HR: variants seen among roughly 807,000 people sequenced by gnomAD.
HR encodes the protein HR lysine demethylase and nuclear receptor corepressor, also known as lysine-specific demethylase hairless.
HR carries 83 observed loss-of-function variants against 128.6 expected under a neutral mutation model. The ratio of observed to expected loss-of-function variants is 0.65; its 90% CI spans 0.54 to 0.77. HR has a LOEUF of 0.77. Among genes scored for constraint, HR ranks in the 30% least tolerant of loss-of-function variants. HR has a pLI of 0.00. For synonymous variants in HR, 681 were observed against 658.2 expected, an observed-to-expected ratio of 1.03 and a Z score of -0.53; for missense variants, 1,490 against 1,574.6, an observed-to-expected ratio of 0.95 and a Z score of 0.91.
intron 16 of HR, chr8:22,117,474 T>C (rs76758185): frequency 0.068 from 11,463 of 169,524 alleles, 518 homozygotes; most frequent in Middle Eastern, 0.11. Flanking sequence ...TGCTAAGTGG[T>C]GGATGAGGAG....
chr8:22,118,636 G>A (rs575675698), intron 16 of HR: 17 of 427,652 alleles, frequency 4.0e-5, no homozygotes, highest in South Asian at 1.3e-4. Context: ...CTCATGGGGC[G>A]GGGGGCTGAG....
chr8:22,124,779 G>A (rs1448215063), intron 5 of HR, among the ~76,000 whole-genome samples: 4 of 152,220 alleles, frequency 2.6e-5, no homozygotes, highest in African/African-American at 4.8e-5. Flanking sequence ...GCTCCAGGGA[G>A]CCGGGAAGGG....
At chr8:22,123,617 T>TCACCC in intron 6 of HR, 32 bp downstream of exon 6, 27 of 292,092 alleles carry the variant, frequency 9.2e-5, no homozygotes, top group South Asian at 4.2e-4. Context: ...GAGGGCTCCA[T>TCACCC]CCCGCCCTCC....
At chr8:22,121,029 C>T (rs770472945) in intron 10 of HR, 36 bp downstream of exon 10, 1 of 1,613,076 alleles carries the variant, frequency 6.2e-7, no homozygotes, top group South Asian at 1.1e-5. Context: ...CCTCTGGTCC[C>T]CTGGCTCCTA....
chr8:22,127,919 G>T, intron 2 of HR, 90 bp from the exon 3 acceptor site: 1 of 1,256,672 alleles, frequency 8.0e-7, no homozygotes, highest in Non-Finnish European at 1.1e-6. Context: ...GAAGGAAGGG[G>T]AGAATACTGA....
In HR at chr8:22,128,877, G is replaced by A. The variant is rs1826973914; in HGVS notation, c.294C>T (p.Arg98=). The A allele has an allele frequency of 6.2e-7, 1 of 1,613,328 alleles. No individual in the cohort carries two copies. The highest frequency in any genetic ancestry group is 1.7e-5 in the Admixed American group (1 of 60,010). The change falls in exon 2 of 19, where the codon CGC becomes CGT. Residue 98 remains arginine, a synonymous_variant. Transcript: ENST00000381418. ...GATGGGTAAGCATGGCCTCCTTCCA[G>A]CGCAGTCCCTCTTTGCTGCCCAGCC... is the stretch of plus-strand genomic sequence containing the variant. The part of the protein sequence containing the change: ...VNWLGSKEGL[R]WKEAMLTHPL...
At chr8:22,117,464 T>A (rs1826621862) in intron 16 of HR, 3 of 175,518 alleles carry the variant, frequency 1.7e-5, no homozygotes, top group Admixed American at 1.1e-4. Context: ...CAGAATTGTG[T>A]GCTAAGTGGT....
chr8:22,117,591 G>A (rs1826625467), intron 16 of HR: 1 of 153,126 alleles, frequency 6.5e-6, no homozygotes, highest in Non-Finnish European at 1.5e-5. Context: ...AGTGCCAGCA[G>A]GTGAACAGGC....
At chr8:22,123,056 C>T (rs183193428) in intron 6 of HR, among the ~76,000 whole-genome samples, 177 bp from the exon 7 acceptor site, 1 of 152,320 alleles carries the variant, frequency 6.6e-6, no homozygotes, top group African/African-American at 2.4e-5. Context: ...TAGAATGCTA[C>T]AGACTTTAAC....
chr8:22,120,976 G>A lies in HR; in HGVS notation c.2368-18C>T. The A allele has an allele frequency of 6.2e-7, 1 of 1,607,154 alleles. No individual in the cohort carries two copies. Among genetic ancestry groups the A allele is most frequent in the Middle Eastern group, 1.7e-4 (1 of 6,048 alleles). On this transcript the variant is annotated intron_variant, in intron 10 of 18. Transcript: ENST00000381418. The stretch of plus-strand genomic sequence containing the variant: ...CGGTCATCCTGCAGAGAGGGGCACA[G>A]GGGCTTAGGACCCACTGGGCCCCAC...
intron 8 of HR, 48 bp from the exon 9 acceptor site, chr8:22,121,742 A>G (rs1426644110): frequency 1.3e-6 from 2 of 1,564,000 alleles, no homozygotes; most frequent in African/African-American, 1.4e-5. Context: ...AGATTTTAAA[A>G]TGGCAGACAC....
At position 22,116,898 on chromosome 8, in the gene HR, C is replaced by T. The variant is rs1264037497; in HGVS notation, c.3355G>A (p.Val1119Met). The T allele has an allele frequency of 6.4e-7, 1 of 1,568,376 alleles. No individual in the cohort carries two copies. Among genetic ancestry groups the T allele is most frequent in the Non-Finnish European group, 8.6e-7 (1 of 1,161,920 alleles). ...ACCTGGTGGGGAGCCCCTGCAGGCACCAGCACGGCCTCTCCGGGGGCCTGG... is the reference window on the plus strand; with the variant it reads ...ACCTGGTGGGGAGCCCCTGCAGGCATCAGCACGGCCTCTCCGGGGGCCTGG... The part of the protein sequence containing the change: ...LLQAPGEAVL[V>M]PAGAPHQVQG... The change falls in exon 17 of 19, where the codon GTG becomes ATG. Residue 1119 changes from valine (V) to methionine (M), a missense_variant. Transcript: ENST00000381418. This position sits in a 1 kb window ranked among gnomAD's most constrained non-coding sequence, Gnocchi z 4.2.
In HR at chr8:22,128,274, A is replaced by G. The variant is rs555956347; in HGVS notation, c.612+285T>C. 776 of 562,190 alleles carry G rather than the reference A, an allele frequency of 1.4e-3. 2 individuals carry two copies. The highest frequency in any genetic ancestry group is 2.2e-3 in the Non-Finnish European group (682 of 313,872). The allele number at this position is 562,190 out of a possible 1,614,324, so 34.8% of individuals were successfully genotyped here. ...TGCCCACCCATCTCCTCCCAGGACA[A>G]GCCACACATTCCAAGGCCACAGTTC... On this transcript the variant is annotated intron_variant, in intron 2 of 18. Transcript: ENST00000381418.
Position 22,125,371 on chromosome 8 carries a change from C to T in HR, c.1690G>A (p.Asp564Asn). The stretch of plus-strand genomic sequence containing the variant: ...CTCCGCAGCAGGCGGCACAGTCGGT[C>T]CCCCAAACCACTGAGCAGGTGCTTG... ...LAKHLLSGLG[D>N]RLCRLLRRER... The change falls in exon 5 of 19, where the codon GAC becomes AAC. Residue 564 changes from aspartate (D) to asparagine (N), a missense_variant. Asp to Asn is a conservative substitution (Grantham distance 23, BLOSUM62 1). Around this residue, in one of 3 missense-constraint regions of HR, gnomAD observed 1,060 missense variants for 1,060.9 expected, o/e 1.00. Coordinates refer to ENST00000381418, the MANE Select transcript of HR (RefSeq NM_005144.5). 1 of 1,608,122 alleles carries T rather than the reference C, an allele frequency of 6.2e-7. No individual in the cohort carries two copies. Among genetic ancestry groups the T allele is most frequent in the Non-Finnish European group, 8.5e-7 (1 of 1,178,112 alleles).
chr8:22,116,952 C>T lies in HR; in HGVS notation c.3301G>A (p.Glu1101Lys). The T allele has an allele frequency of 6.5e-7, 1 of 1,542,106 alleles. No individual in the cohort carries two copies. The highest frequency in any genetic ancestry group is 1.2e-5 in the South Asian group (1 of 84,370). The change falls in exon 17 of 19, where the codon GAG (glutamate) becomes AAG (lysine). Residue 1101 changes from glutamate (E) to lysine (K), a missense_variant. Coordinates refer to ENST00000381418, the MANE Select transcript of HR (RefSeq NM_005144.5). This position sits in a 1 kb window ranked among gnomAD's most constrained non-coding sequence, Gnocchi z 4.2. ...DAGLRRRLRE[E>K]WGVSCWTLLQ... is the part of the protein sequence containing the mutation. ...AGGGTCCAGCAGCTCACGCCCCACT[C>T]CTCCCGCAGGCGCCGCCGCAGCCCT...
Position 22,116,265 on chromosome 8 carries a change from A to T in HR, c.3507+35T>A. 1 of 1,611,042 alleles carries T rather than the reference A, an allele frequency of 6.2e-7. No homozygotes were observed. The highest frequency in any genetic ancestry group is 8.5e-7 in the Non-Finnish European group (1 of 1,179,502). On this transcript the variant is annotated intron_variant, in intron 18 of 18. Transcript: ENST00000381418. The surrounding 1 kb of genome is among the most constrained non-coding windows in gnomAD (Gnocchi z 4.2). ...GCACAGGGAGGTGGGAGGCTTGGGTAGCACACCCAGCCTGCTGGCCCACAT... is the reference window on the plus strand; with the variant it reads ...GCACAGGGAGGTGGGAGGCTTGGGTTGCACACCCAGCCTGCTGGCCCACAT...
intron 5 of HR, among the ~76,000 whole-genome samples, chr8:22,124,667 G>A (rs1280831687): frequency 6.6e-6 from 1 of 152,186 alleles, no homozygotes; most frequent in Non-Finnish European, 1.5e-5. Context: ...TTCCCAAGTG[G>A]GCCCCAGAGG....
At chr8:22,123,617 T>TGTCCCC in intron 6 of HR, 32 bp downstream of exon 6, 2 of 292,092 alleles carry the variant, frequency 6.8e-6, no homozygotes, top group South Asian at 3.0e-5. Flanking sequence ...GAGGGCTCCA[T>TGTCCCC]CCCGCCCTCC....
chr8:22,129,578 C>T (rs1826997264), intron 1 of HR, among the ~76,000 whole-genome samples: 1 of 152,264 alleles, frequency 6.6e-6, no homozygotes, highest in African/African-American at 2.4e-5. Flanking sequence ...CTGACTCTGT[C>T]CTATGCTGTA....
Sources: gnomAD v4.1 joint callset for allele counts (sites outside exome capture counted in the v4.1 genomes callset) on GRCh38, gnomAD v4.1.1 for gene constraint, gnomAD v4.1.1 regional missense constraint, Gnocchi (gnomAD v3.1) non-coding constraint, MANE v1.5 for transcripts, NCBI Gene and HGNC (gene_info 2026-07-23, HGNC 2026-07-21) for gene names.